PRRG1: variants seen among roughly 807,000 people sequenced by gnomAD.
PRRG1 encodes the protein proline rich and Gla domain 1.
Under a neutral mutation model 11.8 loss-of-function variants are expected in PRRG1, and 5 were observed. The ratio of observed to expected loss-of-function variants is 0.42; its 90% CI spans 0.22 to 0.89. PRRG1 has a LOEUF of 0.89. Ranked by LOEUF, PRRG1 falls within the 40% of genes least tolerant of loss-of-function variation. PRRG1 has a pLI of 0.28. For missense variants in PRRG1, 155 were observed against 166.1 expected, an observed-to-expected ratio of 0.93 and a Z score of 0.37; for synonymous variants, 66 against 60.4, an observed-to-expected ratio of 1.09 and a Z score of -0.43.
intron 2 of PRRG1, among the ~76,000 whole-genome samples, chrX:37,411,690 A>G (rs1556383932): frequency 4.5e-5 from 5 of 111,757 alleles, no homozygotes; most frequent in Admixed American, 3.8e-4. Context: ...ATTAATGGCT[A>G]TTTTCACTGT....
intron 1 of PRRG1, among the ~76,000 whole-genome samples, chrX:37,399,592 G>A (rs1166362532): frequency 2.0e-5 from 2 of 102,091 alleles, no homozygotes; most frequent in African/African-American, 7.2e-5. Context: ...AAAATCACCA[G>A]CTAACATCAT....
At chrX:37,401,323 G>A (rs1241111202) in intron 1 of PRRG1, among the ~76,000 whole-genome samples, 1 of 110,852 alleles carries the variant, frequency 9.0e-6, no homozygotes, top group Admixed American at 9.6e-5. Flanking sequence ...TGCAAGGCTG[G>A]TTCAATATAC....
At chrX:37,436,262 G>A (rs925614682) in intron 3 of PRRG1, among the ~76,000 whole-genome samples, 3 of 111,713 alleles carry the variant, frequency 2.7e-5, no homozygotes, top group Middle Eastern at 4.6e-3. Context: ...CCATTCTGCC[G>A]CCAAGTTGCT....
chrX:37,380,245 CCTGT>C (rs1245826713), intron 1 of PRRG1, among the ~76,000 whole-genome samples: 3 of 111,550 alleles, frequency 2.7e-5, no homozygotes, highest in African/African-American at 9.7e-5. Context: ...ACTCCGAGAG[CCTGT>C]CTTAGAACCT....
chrX:37,398,046 G>A (rs1208775965), intron 1 of PRRG1, among the ~76,000 whole-genome samples: 1 of 108,200 alleles, frequency 9.2e-6, no homozygotes, highest in Non-Finnish European at 1.9e-5. Flanking sequence ...CCAGATGGGG[G>A]CAGGGCACAG....
At chrX:37,362,062 A>G (rs1004010698) in intron 1 of PRRG1, among the ~76,000 whole-genome samples, 1 of 112,138 alleles carries the variant, frequency 8.9e-6, no homozygotes, top group Middle Eastern at 4.6e-3. Flanking sequence ...TCAGTATCTT[A>G]GTCATTTTTC....
intron 2 of PRRG1, among the ~76,000 whole-genome samples, chrX:37,422,737 A>G (rs1196904504): frequency 8.9e-6 from 1 of 111,837 alleles, no homozygotes; most frequent in African/African-American, 3.2e-5. Flanking sequence ...ATATACAATG[A>G]TGGTCCCATA....
At chrX:37,425,729 T>C in intron 2 of PRRG1, 111 bp from the exon 3 acceptor site, 2 of 653,384 alleles carry the variant, frequency 3.1e-6, no homozygotes, top group East Asian at 3.7e-5. Context: ...CATTGCTGAC[T>C]CACGGAAAGA....
intron 3 of PRRG1, among the ~76,000 whole-genome samples, chrX:37,433,562 CTATT>C (rs1345680122): frequency 2.2e-5 from 2 of 92,396 alleles, no homozygotes; most frequent in African/African-American, 6.3e-5. Flanking sequence ...CATTTGACAT[CTATT>C]TGTTTTTTTT....
intron 2 of PRRG1, among the ~76,000 whole-genome samples, chrX:37,421,903 T>C (rs1932669761): frequency 8.9e-6 from 1 of 112,188 alleles, no homozygotes; most frequent in South Asian, 3.7e-4. Flanking sequence ...TTAAGTGATA[T>C]CTTCTAATGG....
intron 3 of PRRG1, chrX:37,440,804 T>C (rs1556393392): frequency 2.0e-6 from 1 of 511,549 alleles, no homozygotes; most frequent in East Asian, 3.6e-5. Flanking sequence ...CTTGTTCTGT[T>C]GCCAAGGCTG....
At chrX:37,450,599 A>G (rs1482304982) in intron 3 of PRRG1, among the ~76,000 whole-genome samples, 1 of 112,346 alleles carries the variant, frequency 8.9e-6, no homozygotes, top group Non-Finnish European at 1.9e-5. Context: ...AATGTAGACA[A>G]TATAAAAGAG....
intron 1 of PRRG1, among the ~76,000 whole-genome samples, chrX:37,389,874 T>C (rs1159055080): frequency 2.7e-5 from 3 of 111,833 alleles, no homozygotes; most frequent in African/African-American, 6.5e-5. Context: ...GTCTTACTGA[T>C]TGGTAATGTT....
intron 2 of PRRG1, among the ~76,000 whole-genome samples, chrX:37,413,816 G>A (rs149696926): frequency 0.024 from 2,685 of 111,654 alleles, 78 homozygotes; most frequent in African/African-American, 0.081. Context: ...ATTATATACC[G>A]TATTTTTACG....
intron 3 of PRRG1, chrX:37,441,789 A>G: frequency 1.3e-6 from 1 of 786,018 alleles, no homozygotes; most frequent in Non-Finnish European, 1.5e-6. Context: ...TCAGGAAGCC[A>G]GAGCGTCAAG....
chrX:37,365,806 G>A (rs1163125122), intron 1 of PRRG1, among the ~76,000 whole-genome samples: 1 of 111,780 alleles, frequency 8.9e-6, no homozygotes, highest in Non-Finnish European at 1.9e-5. Flanking sequence ...CAGACCTTAA[G>A]GGTATCCTTC....
intron 1 of PRRG1, among the ~76,000 whole-genome samples, chrX:37,381,734 G>A (rs1316280294): frequency 9.0e-6 from 1 of 110,705 alleles, no homozygotes; most frequent in Non-Finnish European, 1.9e-5. Context: ...TCCAGAACAG[G>A]CCTACCTAGT....
At chrX:37,370,240 T>C (rs782534988) in intron 1 of PRRG1, among the ~76,000 whole-genome samples, 9 of 112,403 alleles carry the variant, frequency 8.0e-5, no homozygotes, top group African/African-American at 2.6e-4. Context: ...ATGTATCTGT[T>C]GAAGGATACT....
At chrX:37,442,105 C>T (rs1418789434) in intron 3 of PRRG1, 2 of 760,546 alleles carry the variant, frequency 2.6e-6, no homozygotes, top group African/African-American at 2.3e-5. Flanking sequence ...CACGGTGTGC[C>T]TTCCCTGGGT....
Sources: gnomAD v4.1 joint callset for allele counts (sites outside exome capture counted in the v4.1 genomes callset) on GRCh38, gnomAD v4.1.1 for gene constraint, MANE v1.5 for transcripts, NCBI Gene and HGNC (gene_info 2026-07-23, HGNC 2026-07-21) for gene names.